The following BPIFB3 variants were observed in gnomAD, a reference collection of about 807,000 sequenced individuals.
BPIFB3 encodes BPI fold containing family B member 3, also known as BPI fold-containing family B member 3.
In BPIFB3, 49 loss-of-function variants were observed where a neutral mutation model predicts 53.1. That is an observed-to-expected ratio of 0.92 (90% CI 0.73 to 1.17). The LOEUF is 1.17. BPIFB3 is among the 50% of genes most tolerant of loss of function. The pLI is 0.00. For synonymous variants in BPIFB3, 271 were observed against 269.6 expected, an observed-to-expected ratio of 1.01 and a Z score of -0.05; for missense variants, 628 against 592.5, an observed-to-expected ratio of 1.06 and a Z score of -0.62.
chr20:33,063,676 G>A lies in BPIFB3; in HGVS notation c.652+1G>A, dbSNP rs750730765. The A allele has an allele frequency of 1.9e-6, 3 of 1,613,638 alleles. No homozygotes were observed. The highest frequency in any genetic ancestry group is 4.5e-5 in the East Asian group (2 of 44,828). On this transcript the variant is annotated splice_donor_variant, in intron 6 of 14. Transcript: ENST00000375494. LOFTEE classifies it high-confidence loss of function. Reference sequence around the variant, plus strand: ...AATGAGCTCCTGGGGGCTGTGCTGGGTAAGTCAGGGCTCAATGCCCTCCTC... The same window carrying A: ...AATGAGCTCCTGGGGGCTGTGCTGGATAAGTCAGGGCTCAATGCCCTCCTC...
At position 33,071,952 on chromosome 20, in the gene BPIFB3, G is replaced by A. The variant is rs564574734; in HGVS notation, c.1261-152G>A. On this transcript the variant is annotated intron_variant, in intron 12 of 14. Transcript: ENST00000375494. Reference sequence around the variant, plus strand: ...GGTGGACAGCCCAGGCCACCCCCAAGTGCCCAGTGCCTGCCAGGAGCTGTG... The same window carrying A: ...GGTGGACAGCCCAGGCCACCCCCAAATGCCCAGTGCCTGCCAGGAGCTGTG... The A allele has an allele frequency of 5.7e-5, 41 of 724,736 alleles. No homozygotes were observed. The Middle Eastern group carries it at 3.3e-3, about 59-fold the overall frequency. The allele number at this position is 724,736 out of a possible 1,614,324, so 44.9% of individuals were successfully genotyped here.
chr20:33,071,368 A>G (rs1487398566), intron 12 of BPIFB3, 73 bp downstream of exon 13: 2 of 1,505,178 alleles, frequency 1.3e-6, no homozygotes, highest in Non-Finnish European at 9.0e-7. Context: ...GGGGGTGGCC[A>G]TGAGTCATGG....
exon 8 of BPIFB3, chr20:33,064,832 T>C: frequency 6.2e-7 from 1 of 1,612,790 alleles, no homozygotes; most frequent in Non-Finnish European, 8.5e-7. Flanking sequence ...GACATGGACA[T>C]CACCCCTGAG....
chr20:33,071,095 T>C (rs1980864319), intron 11 of BPIFB3, among the ~76,000 whole-genome samples, 158 bp from the exon 13 acceptor site: 1 of 151,644 alleles, frequency 6.6e-6, no homozygotes, highest in South Asian at 2.1e-4. Context: ...ATTTTACAGG[T>C]AGGAAAACTG....
intron 6 of BPIFB3, among the ~76,000 whole-genome samples, 198 bp downstream of exon 7, chr20:33,063,873 C>T (rs1018698201): frequency 1.3e-5 from 2 of 152,164 alleles, no homozygotes; most frequent in Non-Finnish European, 2.9e-5. Context: ...GCATGCAGAC[C>T]CAGAACCATC....
chr20:33,068,844 C>G, exon 10 of BPIFB3: 1 of 1,613,980 alleles, frequency 6.2e-7, no homozygotes, highest in Non-Finnish European at 8.5e-7. Context: ...TCCTACTGTT[C>G]CTGCGGGTGA....
chr20:33,071,444 A>C (rs1980887801), intron 12 of BPIFB3, 149 bp downstream of exon 13: 4 of 883,196 alleles, frequency 4.5e-6, no homozygotes, highest in Non-Finnish European at 7.0e-6. Flanking sequence ...GGCAAATATC[A>C]GGGCGGGTGT....
At chr20:33,060,786 A>AGTG (rs2146383197) in intron 4 of BPIFB3, among the ~76,000 whole-genome samples, 1 of 152,248 alleles carries the variant, frequency 6.6e-6, no homozygotes, top group East Asian at 1.9e-4. Context: ...GCTGGTCTCG[A>AGTG]ACTCCTGACC....
chr20:33,056,709 C>T lies in BPIFB3; in HGVS notation c.281+11C>T, dbSNP rs73904444. On this transcript the variant is annotated intron_variant, in intron 2 of 14. Transcript: ENST00000375494. ...CGAGGAGCTCTCTGGGTGAGTCCCA[C>T]CTGCTGCATGCCCTACAGGAAGACT... is the stretch of plus-strand genomic sequence containing the variant. 9.1e-4 allele frequency: 1,432 copies of T among 1,566,902 alleles called. 16 individuals carry two copies. The African/African-American group carries it at 0.018, about 19-fold the overall frequency.
chr20:33,054,722 T>G (rs955280623), upstream of BPIFB3, among the ~76,000 whole-genome samples: 5 of 151,268 alleles, frequency 3.3e-5, no homozygotes, highest in Non-Finnish European at 1.5e-5. Context: ...TAAGCAGGAG[T>G]GATGGGTGGG....
At chr20:33,069,110 C>G (rs1980784066) in intron 10 of BPIFB3, 137 bp downstream of exon 11, 1 of 944,660 alleles carries the variant, frequency 1.1e-6, no homozygotes, top group Admixed American at 2.8e-5. Flanking sequence ...AGCCCCCCGC[C>G]CCACAACCAC....
At chr20:33,070,242 T>C (rs774399303) in intron 11 of BPIFB3, among the ~76,000 whole-genome samples, 1 of 151,822 alleles carries the variant, frequency 6.6e-6, no homozygotes, top group Admixed American at 6.6e-5. Flanking sequence ...GGATGTGGAG[T>C]CCAAACTCCT....
intron 11 of BPIFB3, 134 bp downstream of exon 12, chr20:33,070,089 A>G (rs541583490): frequency 7.5e-6 from 7 of 932,156 alleles, no homozygotes; most frequent in South Asian, 1.4e-5. Context: ...CCTTGCCTTC[A>G]GGACCCGCCA....
exon 1 of BPIFB3, chr20:33,055,442 G>C: frequency 6.2e-7 from 1 of 1,613,614 alleles, no homozygotes; most frequent in Non-Finnish European, 8.5e-7. Context: ...AGTCATGCTG[G>C]CCCTGTGGTC....
chr20:33,065,382 A>C (rs1980627686), intron 8 of BPIFB3, among the ~76,000 whole-genome samples: 1 of 152,048 alleles, frequency 6.6e-6, no homozygotes, highest in Non-Finnish European at 1.5e-5. Context: ...ATGGTGGTGC[A>C]TGCCTGTGGT....
chr20:33,063,685 G>T lies in BPIFB3; in HGVS notation c.652+10G>T, dbSNP rs753670549. 6.2e-6 allele frequency: 10 copies of T among 1,613,022 alleles called. No homozygotes were observed. The Middle Eastern group carries it at 5.0e-4, about 80-fold the overall frequency. ...CTGGGGGCTGTGCTGGGTAAGTCAG[G>T]GCTCAATGCCCTCCTCTTTGCCCCT... is the stretch of plus-strand genomic sequence containing the variant. On this transcript the variant is annotated intron_variant, in intron 6 of 14. Coordinates refer to ENST00000375494, the Ensembl canonical transcript of BPIFB3.
intron 6 of BPIFB3, 134 bp from the exon 8 acceptor site, chr20:33,064,323 G>T (rs1568994642): frequency 1.4e-6 from 1 of 726,694 alleles, no homozygotes; most frequent in Non-Finnish European, 2.3e-6. Flanking sequence ...GTAAAATGGG[G>T]ATGACAGTAG....
In BPIFB3 at chr20:33,056,613, G is replaced by T. The variant is rs145431597; in HGVS notation, c.196G>T (p.Gly66Cys). The T allele has an allele frequency of 6.1e-5, 98 of 1,613,898 alleles. No individual in the cohort carries two copies. The African/African-American group carries it at 1.2e-3, about 20-fold the overall frequency. ...GGGATCGGTCACAGCTGTGAACCGG[G>T]GCCTCTTGGGCTCAGGAGGGCTGCT... is the stretch of plus-strand genomic sequence containing the variant. Residue 66 changes from glycine (G) to cysteine (C), a missense_variant, in exon 2 of 15, where the codon GGC becomes TGC. Physicochemically the swap from Gly to Cys is radical, Grantham distance 159. Transcript: ENST00000375494.
chr20:33,069,832 G>A (rs894748715), intron 10 of BPIFB3, 56 bp from the exon 12 acceptor site: 21 of 1,571,938 alleles, frequency 1.3e-5, no homozygotes, highest in Middle Eastern at 1.8e-4. Context: ...AGGCAGACCC[G>A]TCCTCAAGCT....
Sources: gnomAD v4.1 joint callset for allele counts (sites outside exome capture counted in the v4.1 genomes callset) on GRCh38, gnomAD v4.1.1 for gene constraint, MANE v1.5 for transcripts, NCBI Gene and HGNC (gene_info 2026-07-23, HGNC 2026-07-21) for gene names.